The following TBC1D4 variants were observed in gnomAD, a reference collection of about 807,000 sequenced individuals.
TBC1D4 encodes TBC (Tre-2, BUB2, CDC16) domain-containing protein.
Under a neutral mutation model 142.5 loss-of-function variants are expected in TBC1D4, and 121 were observed. The observed-to-expected ratio is 0.85, with a 90% CI of 0.73 to 0.99. The LOEUF is 0.99. TBC1D4 is among the 50% of genes least tolerant of loss of function. The pLI, the probability that TBC1D4 is intolerant of heterozygous loss-of-function variation, is 0.00. For synonymous variants in TBC1D4, 630 were observed against 628.2 expected (o/e 1.00, Z -0.04); for missense variants, 1,475 against 1,606.6 (o/e 0.92, Z 1.40).
At chr13:75,312,276 T>C (rs1443129933) in intron 13 of TBC1D4, among the ~76,000 whole-genome samples, 2 of 151,986 alleles carry the variant, frequency 1.3e-5, no homozygotes, top group African/African-American at 4.8e-5. Flanking sequence ...TAAAAGGCTA[T>C]GTTGCTTTTC....
At position 75,400,631 on chromosome 13, in the gene TBC1D4, G is replaced by GTT. The variant is rs1376960174; in HGVS notation, c.499-38025_499-38024insAA. Among the ~76,000 whole-genome samples, 3 of 21,682 alleles carry GTT rather than the reference G, an allele frequency of 1.4e-4. No individual in the cohort carries two copies. In the South Asian group the frequency reaches 0.013, roughly 97 times the overall value. 14.2% of individuals were successfully genotyped at this position (21,682 alleles called of 152,430 possible). A position where few individuals can be genotyped will look rare whatever the true frequency, so the allele number is the denominator to read the frequency against. On this transcript the variant is annotated intron_variant, in intron 1 of 20. Transcript: ENST00000377636. ...CACCACCATGCCCAGCTAATTTTTT[G>GTT]TATTTTTTTTTTTTTAGTAGAGACA... is the stretch of plus-strand genomic sequence containing the variant.
At chr13:75,449,787 G>A (rs1887456694) in intron 1 of TBC1D4, among the ~76,000 whole-genome samples, 1 of 152,026 alleles carries the variant, frequency 6.6e-6, no homozygotes, top group African/African-American at 2.4e-5. Context: ...GTTTCACCAT[G>A]TTGGCGAGGC....
chr13:75,398,223 G>A (rs35823089), intron 1 of TBC1D4, among the ~76,000 whole-genome samples: 42 of 152,326 alleles, frequency 2.8e-4, no homozygotes, highest in African/African-American at 9.6e-4. Flanking sequence ...GTATATAAAC[G>A]TTGTTATCAT....
At chr13:75,303,656 C>T (rs553828968) in intron 15 of TBC1D4, among the ~76,000 whole-genome samples, 1 of 152,220 alleles carries the variant, frequency 6.6e-6, no homozygotes, top group Non-Finnish European at 1.5e-5. Context: ...TGACAGTAAT[C>T]TCTTCTGACT....
intron 16 of TBC1D4, 130 bp downstream of exon 16, chr13:75,302,113 C>CA: frequency 8.8e-7 from 1 of 1,139,944 alleles, no homozygotes; most frequent in South Asian, 1.3e-5. Flanking sequence ...CAGTAAAGGA[C>CA]AAAGTCAACG....
At chr13:75,349,024 A>T in intron 5 of TBC1D4, 146 bp downstream of exon 5, 1 of 1,121,826 alleles carries the variant, frequency 8.9e-7, no homozygotes, top group Non-Finnish European at 1.3e-6. Flanking sequence ...TTGACAGCCC[A>T]CTCACATTTG....
chr13:75,305,190 C>T (rs946794636), intron 15 of TBC1D4, among the ~76,000 whole-genome samples: 2 of 152,220 alleles, frequency 1.3e-5, no homozygotes, highest in Admixed American at 1.3e-4. Context: ...CTTTCACCTT[C>T]CGCCATGATT....
At chr13:75,426,503 A>C (rs554911047) in intron 1 of TBC1D4, among the ~76,000 whole-genome samples, 1 of 152,308 alleles carries the variant, frequency 6.6e-6, no homozygotes, top group East Asian at 1.9e-4. Context: ...AACACATATA[A>C]ATCAAATAAT....
intron 1 of TBC1D4, among the ~76,000 whole-genome samples, chr13:75,378,853 GAAA>G (rs1014810381): frequency 2.0e-5 from 3 of 152,084 alleles, no homozygotes; most frequent in African/African-American, 7.2e-5. Flanking sequence ...TCCAGCTGAA[GAAA>G]ATAAACAGGT....
At chr13:75,341,978 T>G (rs1880743587) in intron 5 of TBC1D4, among the ~76,000 whole-genome samples, 1 of 152,226 alleles carries the variant, frequency 6.6e-6, no homozygotes, top group African/African-American at 2.4e-5. Context: ...ATGGCAGGAC[T>G]GTGTGCGTTC....
chr13:75,304,728 C>A (rs1041444203), intron 15 of TBC1D4, among the ~76,000 whole-genome samples: 3 of 150,434 alleles, frequency 2.0e-5, no homozygotes, highest in Non-Finnish European at 4.4e-5. Context: ...GAGGAAAGGG[C>A]GGAAGAAAGA....
At chr13:75,475,678 C>G (rs1158673159) in intron 1 of TBC1D4, among the ~76,000 whole-genome samples, 1 of 152,152 alleles carries the variant, frequency 6.6e-6, no homozygotes, top group Non-Finnish European at 1.5e-5. Flanking sequence ...GTTTCCTCAC[C>G]AAGCAATTAC....
chr13:75,339,307 AC>A (rs1317311545), intron 7 of TBC1D4, among the ~76,000 whole-genome samples: 1 of 54,192 alleles, frequency 1.8e-5, no homozygotes, highest in African/African-American at 4.9e-5. Flanking sequence ...AACCCCCTCA[AC>A]CAAGCAACCT....
At chr13:75,448,357 C>T (rs897221122) in intron 1 of TBC1D4, among the ~76,000 whole-genome samples, 4 of 151,988 alleles carry the variant, frequency 2.6e-5, no homozygotes, top group Non-Finnish European at 4.4e-5. Flanking sequence ...CACCTGAGGT[C>T]GGGAGTTCAA....
At chr13:75,348,952 AGAGT>A (rs1312611219) in intron 5 of TBC1D4, among the ~76,000 whole-genome samples, 364 of 120,062 alleles carry the variant, frequency 3.0e-3, no homozygotes, top group East Asian at 0.028. Context: ...AGAGAGAGAG[AGAGT>A]GTGTGTGTGT....
In TBC1D4 at chr13:75,307,952, T is replaced by C. The variant is rs559745576; in HGVS notation, c.2594-1481A>G. Among the ~76,000 whole-genome samples the C allele has an allele frequency of 3.3e-5, 5 of 152,352 alleles. No homozygotes were observed. The East Asian group carries it at 9.6e-4, about 29-fold the overall frequency. ...ACTTTACTAATTATTTTCTTCATGA[T>C]GGACAAAACATAATTACTTCCTTAG... is the stretch of plus-strand genomic sequence containing the variant. On this transcript the variant is annotated intron_variant, in intron 14 of 20. Transcript: ENST00000377636.
At chr13:75,428,420 A>G (rs536181883) in intron 1 of TBC1D4, among the ~76,000 whole-genome samples, 1 of 152,338 alleles carries the variant, frequency 6.6e-6, no homozygotes, top group South Asian at 2.1e-4. Flanking sequence ...AACTTTTGTT[A>G]GTCATATTTG....
At chr13:75,434,134 A>G (rs916139111) in intron 1 of TBC1D4, among the ~76,000 whole-genome samples, 4 of 152,202 alleles carry the variant, frequency 2.6e-5, no homozygotes, top group African/African-American at 9.7e-5. Flanking sequence ...TAGAACTACC[A>G]TTCAACTCAG....
chr13:75,351,435 T>C (rs1295081692), intron 4 of TBC1D4, among the ~76,000 whole-genome samples: 2 of 152,130 alleles, frequency 1.3e-5, no homozygotes, highest in African/African-American at 4.8e-5. Flanking sequence ...ATTATTATTA[T>C]ACTTTTAAGT....
Sources: allele counts gnomAD v4.1 joint callset (sites outside exome capture counted in the v4.1 genomes callset), GRCh38; gene constraint gnomAD v4.1.1; transcripts MANE v1.5; gene names NCBI Gene and HGNC (gene_info 2026-07-23, HGNC 2026-07-21).